Variants in ABCA13 observed in about 807,000 individuals in gnomAD.
The protein encoded by ABCA13 is ATP-binding cassette sub-family A member 13.
Under a neutral mutation model 478.7 loss-of-function variants are expected in ABCA13, and 476 were observed. That is an observed-to-expected ratio of 0.99 (90% CI 0.92 to 1.07). The LOEUF is 1.07. ABCA13 is among the 50% of genes least tolerant of loss of function. The pLI, the probability that ABCA13 is intolerant of heterozygous loss-of-function variation, is 0.00. For missense variants in ABCA13, 6,060 were observed against 5,910.6 expected, an observed-to-expected ratio of 1.03 and a Z score of -0.83; for synonymous variants, 2,252 against 2,158.9, an observed-to-expected ratio of 1.04 and a Z score of -1.20.
intron 42 of ABCA13, among the ~76,000 whole-genome samples, chr7:48,434,969 T>C: frequency 6.6e-6 from 1 of 151,920 alleles, no homozygotes; most frequent in East Asian, 1.9e-4. Flanking sequence ...TATTTATCAA[T>C]ATTGTTTTAG....
rs1461397374 is a variant in ABCA13, at chr7:48,389,048, C to T, written c.11482C>T (p.Leu3828=). The change falls in exon 37 of 62, where the codon CTG becomes TTG. Residue 3828 remains leucine, a synonymous_variant. Coordinates refer to ENST00000435803, the MANE Select transcript of ABCA13 (RefSeq NM_152701.5). ...TTTCATCTCTCTCACAGGGTCATCA[C>T]TGCAAAACAGGGAAGGAGAGCTTGA... ...NENFDNKGSS[L]QNREGELEGS... is the part of the protein sequence containing the mutation. 2.5e-6 allele frequency: 4 copies of T among 1,613,744 alleles called. No homozygotes were observed. The highest frequency in any genetic ancestry group is 3.4e-6 in the Non-Finnish European group (4 of 1,179,738).
chr7:48,345,995 C>A (rs964645636), intron 29 of ABCA13, among the ~76,000 whole-genome samples: 12 of 152,182 alleles, frequency 7.9e-5, no homozygotes, highest in African/African-American at 2.9e-4. Context: ...CATCGTGTTA[C>A]AATTGCCTAC....
chr7:48,614,499 T>C (rs1026516705), intron 58 of ABCA13, among the ~76,000 whole-genome samples: 6 of 150,996 alleles, frequency 4.0e-5, no homozygotes, highest in Admixed American at 2.7e-4. Flanking sequence ...GATCTAGAAC[T>C]AGAAATACCA....
chr7:48,365,761 G>A (rs1811564382), intron 31 of ABCA13, among the ~76,000 whole-genome samples: 3 of 151,978 alleles, frequency 2.0e-5, no homozygotes, highest in Non-Finnish European at 4.4e-5. Context: ...TCTTTATTCT[G>A]TTTCATTGGT....
intron 42 of ABCA13, among the ~76,000 whole-genome samples, chr7:48,454,722 G>A (rs1352064636): frequency 5.9e-5 from 9 of 152,190 alleles, no homozygotes; most frequent in Non-Finnish European, 1.2e-4. Flanking sequence ...GAAAAGGATG[G>A]TGGGAGAGAG....
chr7:48,512,116 T>C (rs904512034), intron 51 of ABCA13, among the ~76,000 whole-genome samples: 1 of 150,958 alleles, frequency 6.6e-6, no homozygotes, highest in Non-Finnish European at 1.5e-5. Flanking sequence ...AAAGAGACAC[T>C]AAGAGAGAGA....
intron 7 of ABCA13, among the ~76,000 whole-genome samples, chr7:48,233,071 G>C (rs1359949217): frequency 6.6e-6 from 1 of 152,156 alleles, no homozygotes; most frequent in Non-Finnish European, 1.5e-5. Flanking sequence ...AAGGCAATCA[G>C]ACTGGAAACA....
rs187306156 is a variant in ABCA13, at chr7:48,527,021, G to C, written c.14245-1215G>C. Among the ~76,000 whole-genome samples the C allele has an allele frequency of 1.7e-3, 266 of 152,274 alleles. 1 individual carries two copies. Among genetic ancestry groups the C allele is most frequent in the African/African-American group, 6.1e-3 (255 of 41,556 alleles). On this transcript the variant is annotated intron_variant, in intron 54 of 61. Coordinates refer to ENST00000435803, the MANE Select transcript of ABCA13 (RefSeq NM_152701.5). ...TACTTTCTAAAAAGAACTGAAAGGT[G>C]CATGAGTGGTATTGTCTTCAATGCT...
intron 55 of ABCA13, among the ~76,000 whole-genome samples, chr7:48,550,753 A>G (rs1222920348): frequency 1.3e-5 from 2 of 150,986 alleles, no homozygotes; most frequent in African/African-American, 4.9e-5. Flanking sequence ...CTGTCCATCC[A>G]TCCGTCCATC....
Position 48,234,088 on chromosome 7 carries a change from C to G in ABCA13, c.834C>G (p.Ser278=), listed in dbSNP as rs367866741. ...DPQKVQYDLK[S]QFGFDDLHTE... ...AGAAAGTCCAGTATGATCTCAAATC[C>G]CAGTTTGGCTTTGATGATCTTCACA... The change falls in exon 8 of 62, where the codon TCC becomes TCG. Residue 278 remains serine, a synonymous_variant. Coordinates refer to ENST00000435803, the MANE Select transcript of ABCA13 (RefSeq NM_152701.5). 2 of 1,613,970 alleles carry G rather than the reference C, an allele frequency of 1.2e-6. No individual in the cohort carries two copies. The highest frequency in any genetic ancestry group is 1.7e-6 in the Non-Finnish European group (2 of 1,179,890).
At chr7:48,633,105 G>A (rs1021484153) in intron 59 of ABCA13, among the ~76,000 whole-genome samples, 1 of 152,106 alleles carries the variant, frequency 6.6e-6, no homozygotes, top group African/African-American at 2.4e-5. Context: ...ACATGTTTAT[G>A]CTTTAAATGA....
intron 50 of ABCA13, among the ~76,000 whole-genome samples, chr7:48,510,321 A>G (rs897214340): frequency 2.0e-5 from 3 of 152,210 alleles, no homozygotes; most frequent in Non-Finnish European, 2.9e-5. Flanking sequence ...GATGACGTGC[A>G]GGAAGAGGTC....
At chr7:48,610,551 CTG>C (rs1245386259) in intron 58 of ABCA13, among the ~76,000 whole-genome samples, 11 of 152,326 alleles carry the variant, frequency 7.2e-5, no homozygotes, top group Middle Eastern at 3.4e-3. Context: ...AGTGGGGACT[CTG>C]TGTGGGTGCT....
Position 48,171,500 on chromosome 7 carries a change from GC to G in ABCA13, c.19del (p.Gln7SerfsTer32). The G allele has an allele frequency of 6.5e-7, 1 of 1,536,194 alleles. No individual in the cohort carries two copies. Among genetic ancestry groups the G allele is most frequent in the Non-Finnish European group, 8.7e-7 (1 of 1,146,906 alleles). On this transcript the variant is annotated frameshift_variant, in exon 1 of 62. Transcript: ENST00000435803. LOFTEE classifies it high-confidence loss of function. ...GCAGCAGGCATGGGGCATGCCGGGT[GC>G]CAGTTCAAAGCCCTGCTGTGGAAGA... MGHAGCQFKALLWKNW... is the reference protein window; with the variant it reads MGHAGXQFKALLWKNW...
chr7:48,386,632 G>A (rs950184833), intron 35 of ABCA13, among the ~76,000 whole-genome samples: 1 of 152,096 alleles, frequency 6.6e-6, no homozygotes, highest in African/African-American at 2.4e-5. Flanking sequence ...CAAGCAATGG[G>A]GAAAGGATTT....
chr7:48,304,604 G>C lies in ABCA13; in HGVS notation c.9322-5343G>C, dbSNP rs115698214. ...GAACAATAGACATGGGGGACTACTA[G>C]AGGGGGACTACCAGATGGGGAGGAT... is the stretch of plus-strand genomic sequence containing the variant. On this transcript the variant is annotated intron_variant, in intron 23 of 61. Transcript: ENST00000435803. Among the ~76,000 whole-genome samples, 1,325 of 152,140 alleles carry C rather than the reference G, an allele frequency of 8.7e-3. 18 individuals are homozygous for C. The highest frequency in any genetic ancestry group is 0.03 in the African/African-American group (1,254 of 41,500).
In ABCA13 at chr7:48,273,116, G is replaced by T. The variant is rs1210437694; in HGVS notation, c.3450G>T (p.Trp1150Cys). 6.2e-7 allele frequency: 1 copy of T among 1,613,508 alleles called. No individual in the cohort carries two copies. Among genetic ancestry groups the T allele is most frequent in the Non-Finnish European group, 8.5e-7 (1 of 1,179,754 alleles). ...KFMSIHCTVS[W>C]LQMWTEIWET... ...TGTCCATTCACTGTACCGTTTCATG[G>T]CTTCAAATGTGGACTGAAATCTGGG... Residue 1150 changes from tryptophan to cysteine, a missense_variant, in exon 17 of 62, where the codon TGG (tryptophan) becomes TGT (cysteine). This residue lies in a region of ABCA13 where 4,423 missense variants were observed against 4,309.1 expected (regional missense o/e 1.03). Transcript: ENST00000435803.
intron 55 of ABCA13, among the ~76,000 whole-genome samples, chr7:48,531,976 T>C (rs1168126939): frequency 6.6e-6 from 1 of 152,094 alleles, no homozygotes; most frequent in African/African-American, 2.4e-5. Context: ...TTTACCAATT[T>C]GGATGCTCTT....
At chr7:48,465,263 G>C (rs1826741084) in intron 43 of ABCA13, among the ~76,000 whole-genome samples, 1 of 152,196 alleles carries the variant, frequency 6.6e-6, no homozygotes, top group Non-Finnish European at 1.5e-5. Context: ...GAAATTGGGA[G>C]TCTGTAATGT....
Sources: gnomAD v4.1 joint callset for allele counts (sites outside exome capture counted in the v4.1 genomes callset) on GRCh38, gnomAD v4.1.1 for gene constraint, gnomAD v4.1.1 regional missense constraint, MANE v1.5 for transcripts, NCBI Gene and HGNC (gene_info 2026-07-23, HGNC 2026-07-21) for gene names.